The following ZMYM2 variants were observed in gnomAD, a reference collection of about 807,000 sequenced individuals.
ZMYM2 encodes the protein zinc finger MYM-type protein 2.
ZMYM2 carries 56 observed loss-of-function variants against 162.8 expected under a neutral mutation model. That is an observed-to-expected ratio of 0.34 (90% CI 0.28 to 0.43). The LOEUF (loss-of-function observed/expected upper bound fraction) is 0.43, where lower values mean the gene tolerates loss of function less well. Among genes scored for constraint, ZMYM2 ranks in the 20% least tolerant of loss-of-function variants. The probability of loss-of-function intolerance (pLI) is 1.00; values close to 1 mark genes in which losing one functional copy is unlikely to be tolerated. For missense variants in ZMYM2, 1,275 were observed against 1,621.8 expected, an observed-to-expected ratio of 0.79 and a Z score of 3.67; for synonymous variants, 510 against 541.6, an observed-to-expected ratio of 0.94 and a Z score of 0.81.
chr13:20,013,188 G>A (rs1363616763), intron 6 of ZMYM2, among the ~76,000 whole-genome samples: 2 of 152,166 alleles, frequency 1.3e-5, no homozygotes, highest in East Asian at 3.9e-4. Context: ...CTCCTTTGCT[G>A]CATTTATTCC....
chr13:19,996,542 C>T (rs1056575664), intron 3 of ZMYM2, among the ~76,000 whole-genome samples: 2 of 152,114 alleles, frequency 1.3e-5, no homozygotes, highest in African/African-American at 4.8e-5. Context: ...GCCTGGCCAA[C>T]ATGGTGAAAC....
chr13:19,884,210 A>T, the ZMYM2 span, among the ~76,000 whole-genome samples: 1 of 152,074 alleles, frequency 6.6e-6, no homozygotes, highest in Non-Finnish European at 1.5e-5. Context: ...CTCTCAAAAA[A>T]ATTTAAAAAT....
intron 7 of ZMYM2, among the ~76,000 whole-genome samples, chr13:20,022,663 G>GT (rs1952222647): frequency 6.6e-6 from 1 of 152,072 alleles, no homozygotes; most frequent in Admixed American, 6.5e-5. Flanking sequence ...TTTTTAAACC[G>GT]TTTTTTCTCT....
the ZMYM2 span, among the ~76,000 whole-genome samples, chr13:19,882,641 G>T: frequency 6.6e-6 from 1 of 152,086 alleles, no homozygotes; most frequent in African/African-American, 2.4e-5. Flanking sequence ...CAACTACTCA[G>T]GAGCCTGAGG....
At position 20,026,753 on chromosome 13, in the gene ZMYM2, A is replaced by G. The variant is rs374284314; in HGVS notation, c.1726A>G (p.Lys576Glu). The change falls in exon 8 of 25, where the codon AAA (lysine) becomes GAA (glutamate). Residue 576 changes from lysine to glutamate, a missense_variant. Around this residue, in one of 10 missense-constraint regions of ZMYM2, gnomAD observed 276 missense variants for 311.8 expected, o/e 0.89. Transcript: ENST00000610343. ...CMNSHKTKYAKSQSLGIICHF... is the reference protein window; with the variant it reads ...CMNSHKTKYAESQSLGIICHF... ...GAACAGTCACAAGACAAAATATGCA[A>G]AATCACAAAGTAAGTTTCACATATT... 4.2e-5 allele frequency: 67 copies of G among 1,591,338 alleles called. No individual in the cohort carries two copies. The highest frequency in any genetic ancestry group is 2.3e-5 in the East Asian group (1 of 44,402).
At chr13:19,964,832 A>G (rs952073605) in intron 2 of ZMYM2, among the ~76,000 whole-genome samples, 3 of 151,974 alleles carry the variant, frequency 2.0e-5, no homozygotes, top group Admixed American at 1.3e-4. Context: ...ATGTTTTTTT[A>G]TATTACAAGT....
At chr13:20,000,002 T>C (rs1950276097) in intron 3 of ZMYM2, among the ~76,000 whole-genome samples, 1 of 152,140 alleles carries the variant, frequency 6.6e-6, no homozygotes, top group African/African-American at 2.4e-5. Context: ...AGGGTTTCGC[T>C]ATGTTGCCCA....
the ZMYM2 span, among the ~76,000 whole-genome samples, chr13:19,919,303 A>G: frequency 6.6e-6 from 1 of 152,192 alleles, no homozygotes; most frequent in Non-Finnish European, 1.5e-5. Context: ...AGATATTACA[A>G]TGGACCACTT....
the ZMYM2 span, among the ~76,000 whole-genome samples, chr13:19,939,285 A>C: frequency 6.6e-6 from 1 of 151,952 alleles, no homozygotes; most frequent in East Asian, 1.9e-4. Context: ...CGGCCTCCCA[A>C]AGTGCTGGGA....
chr13:19,993,771 G>A lies in ZMYM2; in HGVS notation c.699G>A (p.Gln233=). 1.9e-6 allele frequency: 3 copies of A among 1,614,182 alleles called. No individual in the cohort carries two copies. The highest frequency in any genetic ancestry group is 1.7e-6 in the Non-Finnish European group (2 of 1,180,020). The change falls in exon 3 of 25, where the codon CAG becomes CAA. Residue 233 remains glutamine, a synonymous_variant. Coordinates refer to ENST00000610343, the MANE Select transcript of ZMYM2 (RefSeq NM_197968.4). The part of the protein sequence containing the change: ...TNLGDVSNGL[Q]SSNFGVNIQT... ...TGGGAGATGTCTCTAACGGACTGCA[G>A]TCAAGTAATTTTGGTGTTAATATAC...
chr13:19,902,330 G>A, the ZMYM2 span, among the ~76,000 whole-genome samples: 44 of 152,192 alleles, frequency 2.9e-4, no homozygotes, highest in Admixed American at 2.0e-4. Context: ...AAAACAATGT[G>A]AATATGCTGG....
upstream of ZMYM2, among the ~76,000 whole-genome samples, chr13:19,957,996 T>G (rs1376234643): frequency 6.6e-6 from 1 of 151,908 alleles, no homozygotes; most frequent in Non-Finnish European, 1.5e-5. Context: ...CCCCACGGGG[T>G]TTGGTTTTTA....
At chr13:20,046,631 GTA>G (rs1566388151) in intron 12 of ZMYM2, among the ~76,000 whole-genome samples, 23 of 144,556 alleles carry the variant, frequency 1.6e-4, no homozygotes, top group Non-Finnish European at 1.8e-4. Context: ...ATATATATGT[GTA>G]TATATATGTG....
chr13:19,982,918 G>A (rs1957475695), intron 2 of ZMYM2, among the ~76,000 whole-genome samples: 3 of 151,464 alleles, frequency 2.0e-5, no homozygotes. Flanking sequence ...TTCCTTGTAG[G>A]TTTGTCGTTT....
chr13:20,029,182 T>C (rs560385069), intron 9 of ZMYM2, among the ~76,000 whole-genome samples: 1 of 152,326 alleles, frequency 6.6e-6, no homozygotes, highest in Non-Finnish European at 1.5e-5. Context: ...GCACTGGCAA[T>C]TTGTTGTCCG....
chr13:19,957,819 C>T (rs1415848730), upstream of ZMYM2, among the ~76,000 whole-genome samples: 1 of 152,300 alleles, frequency 6.6e-6, no homozygotes, highest in East Asian at 1.9e-4. Flanking sequence ...CAGGGGAGCC[C>T]GCAGCTCCCT....
the ZMYM2 span, among the ~76,000 whole-genome samples, chr13:19,883,086 T>C: frequency 6.6e-6 from 1 of 152,198 alleles, no homozygotes; most frequent in African/African-American, 2.4e-5. Context: ...ATGAAGTATT[T>C]ATGTATGCTA....
intron 2 of ZMYM2, among the ~76,000 whole-genome samples, chr13:19,971,012 A>C (rs1956266763): frequency 6.6e-6 from 1 of 151,936 alleles, no homozygotes; most frequent in Non-Finnish European, 1.5e-5. Context: ...ACTCTTCCAC[A>C]GCCTGAAAGA....
At chr13:20,003,552 T>C (rs1950536688) in intron 4 of ZMYM2, among the ~76,000 whole-genome samples, 1 of 152,214 alleles carries the variant, frequency 6.6e-6, no homozygotes, top group Non-Finnish European at 1.5e-5. Flanking sequence ...AGAAATAGTA[T>C]TTCAAGACTC....
Sources: gnomAD v4.1 joint callset for allele counts (sites outside exome capture counted in the v4.1 genomes callset) on GRCh38, gnomAD v4.1.1 for gene constraint, gnomAD v4.1.1 regional missense constraint, MANE v1.5 for transcripts, NCBI Gene and HGNC (gene_info 2026-07-23, HGNC 2026-07-21) for gene names.